PGPEP1: variants seen among roughly 807,000 people sequenced by gnomAD.
PGPEP1 encodes pyroglutamyl-peptidase 1.
A neutral mutation model predicts 24.1 loss-of-function variants in PGPEP1; 15 were observed. That is an observed-to-expected ratio of 0.62 (90% CI 0.42 to 0.96). The LOEUF is 0.96. Among genes scored for constraint, PGPEP1 ranks in the 40% least tolerant of loss-of-function variants. The probability of loss-of-function intolerance (pLI) is 0.00; values close to 1 mark genes in which losing one functional copy is unlikely to be tolerated. For missense variants in PGPEP1, 242 were observed against 273.4 expected (o/e 0.89, Z 0.81); for synonymous variants, 122 against 116.4 (o/e 1.05, Z -0.31).
intron 2 of PGPEP1, among the ~76,000 whole-genome samples, chr19:18,346,304 C>T (rs1051031026): frequency 6.6e-6 from 1 of 152,134 alleles, no homozygotes; most frequent in Non-Finnish European, 1.5e-5. Flanking sequence ...TGGGTTGAAT[C>T]CATTCCTCCA....
At chr19:18,350,585 T>C (rs948677660) in intron 2 of PGPEP1, among the ~76,000 whole-genome samples, 1 of 152,228 alleles carries the variant, frequency 6.6e-6, no homozygotes, top group African/African-American at 2.4e-5. Flanking sequence ...AGCTTGGCTT[T>C]ACAGTAAGGA....
rs758861288 is a variant in PGPEP1 at position 18,340,648 on chromosome 19, C to A, written c.-34C>A. On this transcript the variant is annotated 5_prime_UTR_variant, in exon 1 of 5. Transcript: ENST00000269919. ...GCAGCAGCTGTCGCGCCAGTCGCAA[C>A]AGAAGCAGGTCCGAGGCACAGCCCG... 1.3e-6 allele frequency: 2 copies of A among 1,529,326 alleles called. No individual in the cohort carries two copies. Among genetic ancestry groups the A allele is most frequent in the Admixed American group, 4.0e-5 (2 of 49,564 alleles). 94.7% of individuals were successfully genotyped at this position (1,529,326 alleles called of 1,614,324 possible).
At chr19:18,350,517 A>G (rs1162699232) in intron 2 of PGPEP1, among the ~76,000 whole-genome samples, 2 of 152,234 alleles carry the variant, frequency 1.3e-5, no homozygotes, top group East Asian at 1.9e-4. Context: ...CAATGCCCCT[A>G]CTTGGCATTT....
At chr19:18,344,142 A>G (rs1435378657) in intron 2 of PGPEP1, among the ~76,000 whole-genome samples, 4 of 127,674 alleles carry the variant, frequency 3.1e-5, no homozygotes, top group Admixed American at 1.8e-4. Context: ...GTGGGGTGGC[A>G]GGGGAACATA....
intron 2 of PGPEP1, among the ~76,000 whole-genome samples, chr19:18,352,680 C>T (rs1325040732): frequency 1.3e-5 from 2 of 151,140 alleles, no homozygotes; most frequent in African/African-American, 2.4e-5. Context: ...CTCAGCCTCC[C>T]GAGTAGCTGG....
At chr19:18,355,322 G>A (rs1024029587) in intron 2 of PGPEP1, among the ~76,000 whole-genome samples, 4 of 150,396 alleles carry the variant, frequency 2.7e-5, no homozygotes, top group African/African-American at 4.9e-5. Flanking sequence ...GTGCAGTTAC[G>A]TGATCTTGGC....
rs1971412683 is a variant in PGPEP1, at chr19:18,363,463, C to T, written c.510C>T (p.Pro170=). The T allele has an allele frequency of 1.9e-6, 3 of 1,614,022 alleles. No homozygotes were observed. Among genetic ancestry groups the T allele is most frequent in the East Asian group, 2.2e-5 (1 of 44,888 alleles). Residue 170 remains proline, a synonymous_variant, in exon 5 of 5, where the codon CCC becomes CCT. Coordinates refer to ENST00000269919, the MANE Select transcript of PGPEP1 (RefSeq NM_017712.4). Reference sequence around the variant, plus strand: ...GTCGATCAGCCTTCGTCCACGTGCCCCCACTGGGGAAGCCGTACAACGCGG... The same window carrying T: ...GTCGATCAGCCTTCGTCCACGTGCCTCCACTGGGGAAGCCGTACAACGCGG... ...SHGRSAFVHV[P]PLGKPYNADQ...
intron 4 of PGPEP1, among the ~76,000 whole-genome samples, chr19:18,360,653 T>G (rs913967646): frequency 7.2e-5 from 11 of 151,930 alleles, no homozygotes; most frequent in African/African-American, 2.7e-4. Context: ...GCCTCCTGAG[T>G]AGCTGGGATT....
chr19:18,347,791 G>A (rs1341685461), intron 2 of PGPEP1, among the ~76,000 whole-genome samples: 1 of 151,874 alleles, frequency 6.6e-6, no homozygotes, highest in Non-Finnish European at 1.5e-5. Flanking sequence ...ACGCCACCAC[G>A]CCCAGCTAAT....
chr19:18,363,536 C>G lies in PGPEP1; in HGVS notation c.583C>G (p.Leu195Val). Residue 195 changes from leucine (L) to valine (V), a missense_variant, in exon 5 of 5, where the codon CTC becomes GTC. Coordinates refer to ENST00000269919, the MANE Select transcript of PGPEP1 (RefSeq NM_017712.4). ...AGCCATCATTGAGGAGATGTTGGAC[C>G]TCCTGGAGCAGTCAGAGGGCAAAAT... ...LRAIIEEMLD[L>V]LEQSEGKINY... The G allele has an allele frequency of 6.2e-7, 1 of 1,614,106 alleles. No homozygotes were observed. The highest frequency in any genetic ancestry group is 8.5e-7 in the Non-Finnish European group (1 of 1,180,008).
At chr19:18,347,783 G>A (rs1000238902) in intron 2 of PGPEP1, among the ~76,000 whole-genome samples, 9 of 151,734 alleles carry the variant, frequency 5.9e-5, no homozygotes, top group African/African-American at 1.9e-4. Context: ...ACAGGTGCAC[G>A]CCACCACGCC....
chr19:18,357,107 C>T (rs1366861757), intron 3 of PGPEP1, among the ~76,000 whole-genome samples: 1 of 152,232 alleles, frequency 6.6e-6, no homozygotes, highest in Non-Finnish European at 1.5e-5. Flanking sequence ...ATTGAACTAA[C>T]TCCGCTGGAT....
In PGPEP1 at chr19:18,363,647, T is replaced by A; in HGVS notation, c.*64T>A. ...ACCCCACGAGGGGACATCCACCCTC[T>A]GGGGTGTGGCCAGGAAAAGACAAGC... On this transcript the variant is annotated 3_prime_UTR_variant, in exon 5 of 5. Transcript: ENST00000269919. 1 of 1,282,862 alleles carries A rather than the reference T, an allele frequency of 7.8e-7. No homozygotes were observed. The highest frequency in any genetic ancestry group is 1.4e-5 in the South Asian group (1 of 73,630). The allele number at this position is 1,282,862 out of a possible 1,614,324, so 79.5% of individuals were successfully genotyped here. A position where few individuals can be genotyped will look rare whatever the true frequency, so the allele number is the denominator to read the frequency against.
intron 2 of PGPEP1, among the ~76,000 whole-genome samples, chr19:18,345,952 C>T (rs1198814179): frequency 6.6e-6 from 1 of 151,588 alleles, no homozygotes; most frequent in Non-Finnish European, 1.5e-5. Flanking sequence ...TGTGCCACTG[C>T]ACTCCAGCCT....
At chr19:18,353,578 CTCTA>C (rs1971098499) in intron 2 of PGPEP1, among the ~76,000 whole-genome samples, 1 of 152,154 alleles carries the variant, frequency 6.6e-6, no homozygotes, top group South Asian at 2.1e-4. Context: ...CAACCATCAT[CTCTA>C]TCTAGTTCCA....
rs139071263 is a variant in PGPEP1 at position 18,341,624 on chromosome 19, G to T, written c.34+909G>T. ...ACAGGTGTGTATAATTGGGAGGAGG[G>T]TCACTGCCCCCATCCCTTCCAGCCT... On this transcript the variant is annotated intron_variant, in intron 1 of 4. Coordinates refer to ENST00000269919, the MANE Select transcript of PGPEP1 (RefSeq NM_017712.4). 1.1e-3 allele frequency among the ~76,000 whole-genome samples: 164 copies of T among 152,278 alleles called. 1 individual carries two copies. Among genetic ancestry groups the T allele is most frequent in the African/African-American group, 3.9e-3 (161 of 41,568 alleles).
At chr19:18,363,210 C>T (rs757342369) in intron 4 of PGPEP1, among the ~76,000 whole-genome samples, 181 bp from the exon 5 acceptor site, 3 of 152,136 alleles carry the variant, frequency 2.0e-5, no homozygotes, top group Non-Finnish European at 4.4e-5. Context: ...CACGTGCCAC[C>T]ACCTCTGGTG....
intron 2 of PGPEP1, among the ~76,000 whole-genome samples, chr19:18,347,430 C>T (rs1041760003): frequency 6.6e-6 from 1 of 150,644 alleles, no homozygotes; most frequent in Non-Finnish European, 1.5e-5. Flanking sequence ...CTCTGTCTCC[C>T]TGTCTCTCTC....
rs1600192016 is a variant in PGPEP1 at position 18,344,244 on chromosome 19, G to T, written c.87+1333G>T. Among the ~76,000 whole-genome samples the T allele has an allele frequency of 3.9e-5, 6 of 152,188 alleles. No homozygotes were observed. In the South Asian group the frequency reaches 8.3e-4, roughly 21 times the overall value. ...GATGGCATATTAGGGGCCGAGGGGG[G>T]CTGTCATTCCTGGTGCCCTGAAGAA... On this transcript the variant is annotated intron_variant, in intron 2 of 4. Transcript: ENST00000269919.
Sources: gnomAD v4.1 joint callset for allele counts (sites outside exome capture counted in the v4.1 genomes callset) on GRCh38, gnomAD v4.1.1 for gene constraint, MANE v1.5 for transcripts, NCBI Gene and HGNC (gene_info 2026-07-23, HGNC 2026-07-21) for gene names.